ATP6V1C1: variants seen among roughly 807,000 people sequenced by gnomAD.
ATP6V1C1 encodes the protein ATPase H+ transporting V1 subunit C1.
ATP6V1C1 carries 45 observed loss-of-function variants against 53.9 expected under a neutral mutation model. The observed-to-expected ratio is 0.83, with a 90% CI of 0.66 to 1.07. ATP6V1C1 has a LOEUF of 1.07. Ranked by LOEUF, ATP6V1C1 falls within the 50% of genes least tolerant of loss-of-function variation. The pLI, the probability that ATP6V1C1 is intolerant of heterozygous loss-of-function variation, is 0.00. For synonymous variants in ATP6V1C1, 153 were observed against 155.2 expected (o/e 0.99, Z 0.11); for missense variants, 315 against 440.3 (o/e 0.72, Z 2.55).
At position 103,032,507 on chromosome 8, in the gene ATP6V1C1, C is replaced by G. The variant is rs73290382; in HGVS notation, c.-39-8291C>G. On this transcript the variant is annotated intron_variant, in intron 1 of 12. Coordinates refer to ENST00000518738, the MANE Select transcript of ATP6V1C1 (RefSeq NM_001695.5). ...TTTTCTTTTTCTTTTTCTTTTCTTT[C>G]TTTCCTCACTCTGCTGTCCAGGCTG... 6.6e-3 allele frequency among the ~76,000 whole-genome samples: 1,006 copies of G among 151,624 alleles called. 14 individuals carry two copies. The highest frequency in any genetic ancestry group is 0.031 in the Middle Eastern group (9 of 294).
chr8:103,039,471 CATTA>C (rs1165837022), intron 1 of ATP6V1C1, among the ~76,000 whole-genome samples: 5 of 152,146 alleles, frequency 3.3e-5, no homozygotes, highest in African/African-American at 9.7e-5. Flanking sequence ...ACTCTTTTCA[CATTA>C]ATTATCTGAT....
At position 103,071,057 on chromosome 8, in the gene ATP6V1C1, A is replaced by C. The variant is rs940533137; in HGVS notation, c.*2310A>C. ...TTAATTTGGGAAAATCCAGATCCAC[A>C]TCATTGTAGAGTCTGAGGGTTAGAA... On this transcript the variant is annotated 3_prime_UTR_variant, in exon 13 of 13. Coordinates refer to ENST00000518738, the MANE Select transcript of ATP6V1C1 (RefSeq NM_001695.5). The C allele has an allele frequency of 6.6e-6, 1 of 152,226 alleles. No homozygotes were observed. The highest frequency in any genetic ancestry group is 1.5e-5 in the Non-Finnish European group (1 of 68,054). 9.4% of individuals were successfully genotyped at this position (152,226 alleles called of 1,614,324 possible). A position where few individuals can be genotyped will look rare whatever the true frequency, so the allele number is the denominator to read the frequency against.
chr8:103,047,401 T>C (rs1817116918), intron 3 of ATP6V1C1, among the ~76,000 whole-genome samples: 2 of 120,112 alleles, frequency 1.7e-5, no homozygotes, highest in African/African-American at 3.2e-5. Context: ...AGTGAGACTC[T>C]CTCTTAAAAA....
At chr8:103,062,189 T>TTTTC (rs1554601327) in intron 8 of ATP6V1C1, among the ~76,000 whole-genome samples, 2 of 137,708 alleles carry the variant, frequency 1.5e-5, no homozygotes, top group African/African-American at 2.7e-5. Flanking sequence ...TTTTTTTTTT[T>TTTTC]TGACAGGGAC....
chr8:103,064,060 G>T (rs926595876), intron 10 of ATP6V1C1, among the ~76,000 whole-genome samples: 1 of 152,076 alleles, frequency 6.6e-6, no homozygotes, highest in Non-Finnish European at 1.5e-5. Flanking sequence ...TAATTGTTTG[G>T]TACATCCAAA....
intron 3 of ATP6V1C1, among the ~76,000 whole-genome samples, chr8:103,044,048 G>A (rs780019821): frequency 2.0e-5 from 3 of 151,800 alleles, no homozygotes; most frequent in Non-Finnish European, 2.9e-5. Context: ...GCCACAATGC[G>A]CAGCTAGTTT....
rs1817589544 is a variant in ATP6V1C1, at chr8:103,071,680, G to A, written c.*2933G>A. 4.6e-5 allele frequency: 7 copies of A among 153,256 alleles called. No individual in the cohort carries two copies. In the Admixed American group the frequency reaches 4.6e-4, roughly 10 times the overall value. 9.5% of individuals were successfully genotyped at this position (153,256 alleles called of 1,614,324 possible). On this transcript the variant is annotated 3_prime_UTR_variant, in exon 13 of 13. Coordinates refer to ENST00000518738, the MANE Select transcript of ATP6V1C1 (RefSeq NM_001695.5). ...AGGCTAGAGTGCAGTGGCATGATCA[G>A]GGCTTACTGCAGCCTCACCCTCGAT...
intron 12 of ATP6V1C1, among the ~76,000 whole-genome samples, chr8:103,067,552 A>G (rs2131406731): frequency 6.7e-6 from 1 of 150,188 alleles, no homozygotes; most frequent in South Asian, 2.1e-4. Context: ...GTTTTTCTTG[A>G]TAGAAGGAAA....
At chr8:103,050,956 C>T (rs1817189638) in intron 4 of ATP6V1C1, 94 bp from the exon 5 acceptor site, 1 of 815,392 alleles carries the variant, frequency 1.2e-6, no homozygotes, top group Admixed American at 2.4e-5. Flanking sequence ...CTGATTTCCT[C>T]AATGCCAATT....
intron 4 of ATP6V1C1, among the ~76,000 whole-genome samples, chr8:103,049,235 G>C (rs1817157914): frequency 6.6e-6 from 1 of 152,164 alleles, no homozygotes; most frequent in South Asian, 2.1e-4. Flanking sequence ...GTTTGTCTTA[G>C]TTCTTTCCAG....
chr8:103,055,904 A>C lies in ATP6V1C1; in HGVS notation c.609A>C (p.Thr203=). ...ACGACTGGATTAAGCAGTATGAAAC[A>C]CTAGCCGAAATGGTAGTTCCAAGGT... is the stretch of plus-strand genomic sequence containing the variant. ...NHNDWIKQYE[T]LAEMVVPRSS... Residue 203 remains threonine (T), a synonymous_variant, in exon 8 of 13, where the codon ACA becomes ACC. Transcript: ENST00000518738. The C allele has an allele frequency of 2.5e-6, 4 of 1,612,290 alleles. No homozygotes were observed. Among genetic ancestry groups the C allele is most frequent in the Non-Finnish European group, 3.4e-6 (4 of 1,178,608 alleles).
intron 12 of ATP6V1C1, 68 bp downstream of exon 12, chr8:103,066,515 G>A (rs866185851): frequency 3.5e-6 from 5 of 1,445,640 alleles, no homozygotes; most frequent in South Asian, 1.5e-5. Flanking sequence ...ATTGAAAGAA[G>A]ATAGACAGAA....
chr8:103,067,396 CAAAAAAAAAAA>C (rs751801442), intron 12 of ATP6V1C1, among the ~76,000 whole-genome samples: 1 of 71,952 alleles, frequency 1.4e-5, no homozygotes, highest in African/African-American at 4.6e-5. Flanking sequence ...GACTCCGTCC[CAAAAAAAAAAA>C]AAAAAAAAAT....
At position 103,070,238 on chromosome 8, in the gene ATP6V1C1, G is replaced by GT. The variant is rs1335051434; in HGVS notation, c.*1496dup. ...AGCCGAGTGGATGGATAGTCTGCTT[G>GT]TTTTTAGTTTTTGCTCTTAACAAAC... is the stretch of plus-strand genomic sequence containing the variant. On this transcript the variant is annotated 3_prime_UTR_variant, in exon 13 of 13. Coordinates refer to ENST00000518738, the MANE Select transcript of ATP6V1C1 (RefSeq NM_001695.5). 1 of 152,180 alleles carries GT rather than the reference G, an allele frequency of 6.6e-6. No individual in the cohort carries two copies. Among genetic ancestry groups the GT allele is most frequent in the Non-Finnish European group, 1.5e-5 (1 of 68,032 alleles). 9.4% of individuals were successfully genotyped at this position (152,180 alleles called of 1,614,324 possible).
At chr8:103,033,084 A>G (rs1214506899) in intron 1 of ATP6V1C1, among the ~76,000 whole-genome samples, 1 of 152,274 alleles carries the variant, frequency 6.6e-6, no homozygotes, top group Non-Finnish European at 1.5e-5. Context: ...ACAAAAGAGT[A>G]TCTAATGCAT....
rs1403651360 is a variant in ATP6V1C1 at position 103,068,211 on chromosome 8, C to T, written c.1054-441C>T. On this transcript the variant is annotated intron_variant, in intron 12 of 12. Transcript: ENST00000518738. Reference sequence around the variant, plus strand: ...ATGTTGCCCAGACTGGTCTTGAACTCCTGGGCTCAAGGCCTTGGCCTCTCA... The same window carrying T: ...ATGTTGCCCAGACTGGTCTTGAACTTCTGGGCTCAAGGCCTTGGCCTCTCA... Among the ~76,000 whole-genome samples, 4 of 152,342 alleles carry T rather than the reference C, an allele frequency of 2.6e-5. No homozygotes were observed. The East Asian group carries it at 5.8e-4, about 22-fold the overall frequency.
chr8:103,041,158 A>T (rs1437034388), intron 2 of ATP6V1C1, among the ~76,000 whole-genome samples, 190 bp downstream of exon 2: 1 of 152,224 alleles, frequency 6.6e-6, no homozygotes. Context: ...ATGTCTCTCT[A>T]CTTAGGCTTT....
At position 103,069,431 on chromosome 8, in the gene ATP6V1C1, A is replaced by C. The variant is rs1210360493; in HGVS notation, c.*684A>C. On this transcript the variant is annotated 3_prime_UTR_variant, in exon 13 of 13. Transcript: ENST00000518738. ...GACTTTCGTATGATTTAATTGAGCC[A>C]AATTTGGGTCAGAACACAAATTTGA... 6.6e-6 allele frequency: 1 copy of C among 152,218 alleles called. No individual in the cohort carries two copies. The highest frequency in any genetic ancestry group is 1.5e-5 in the Non-Finnish European group (1 of 68,022). The allele number at this position is 152,218 out of a possible 1,614,324, so 9.4% of individuals were successfully genotyped here.
rs1316324347 is a variant in ATP6V1C1, at chr8:103,069,568, G to C, written c.*821G>C. ...GAATAAAGTCTAGCAGAACTATGCA[G>C]CTTTAGTCATTTGTTTTGTCTAAGT... is the stretch of plus-strand genomic sequence containing the variant. On this transcript the variant is annotated 3_prime_UTR_variant, in exon 13 of 13. Coordinates refer to ENST00000518738, the MANE Select transcript of ATP6V1C1 (RefSeq NM_001695.5). The C allele has an allele frequency of 2.0e-5, 3 of 152,154 alleles. No individual in the cohort carries two copies. The highest frequency in any genetic ancestry group is 7.2e-5 in the African/African-American group (3 of 41,442). 9.4% of individuals were successfully genotyped at this position (152,154 alleles called of 1,614,324 possible). A position where few individuals can be genotyped will look rare whatever the true frequency, so the allele number is the denominator to read the frequency against.
Sources: allele counts gnomAD v4.1 joint callset (sites outside exome capture counted in the v4.1 genomes callset), GRCh38; gene constraint gnomAD v4.1.1; transcripts MANE v1.5; gene names NCBI Gene and HGNC (gene_info 2026-07-23, HGNC 2026-07-21).